The following USP42 variants were observed in gnomAD, a reference collection of about 807,000 sequenced individuals.
USP42 encodes ubiquitin carboxyl-terminal hydrolase 42.
USP42 carries 23 observed loss-of-function variants against 113.0 expected under a neutral mutation model. The observed-to-expected ratio is 0.20, with a 90% CI of 0.15 to 0.29. USP42 has a LOEUF of 0.29. Ranked by LOEUF, USP42 falls within the 10% of genes least tolerant of loss-of-function variation. The probability of loss-of-function intolerance (pLI) is 1.00; values close to 1 mark genes in which losing one functional copy is unlikely to be tolerated. For synonymous variants in USP42, 933 were observed against 699.0 expected, an observed-to-expected ratio of 1.33 and a Z score of -5.28; for missense variants, 2,174 against 1,779.8, an observed-to-expected ratio of 1.22 and a Z score of -3.99.
Position 6,154,472 on chromosome 7 carries a change from C to T in USP42, c.2918C>T (p.Thr973Ile), listed in dbSNP as rs539833267. 12 of 1,557,582 alleles carry T rather than the reference C, an allele frequency of 7.7e-6. No homozygotes were observed. In the East Asian group the frequency reaches 9.6e-5, roughly 13 times the overall value. The part of the protein sequence containing the change: ...GEPARESRSK[T>I]EGHRHRRRRT... ...CCCGCCAGAGAGAGCAGGAGCAAGA[C>T]TGAGGGCCACCGTCACCGGCGGCGC... The change falls in exon 15 of 18, where the codon ACT becomes ATT. Residue 973 changes from threonine (T) to isoleucine (I), a missense_variant. Physicochemically the swap from Thr to Ile is moderately conservative, Grantham distance 89. Transcript: ENST00000306177.
intron 17 of USP42, 120 bp from the exon 18 acceptor site, chr7:6,160,430 CAGAGT>C (rs1242066960): frequency 1.4e-5 from 2 of 146,750 alleles, no homozygotes; most frequent in Non-Finnish European, 1.5e-5. Flanking sequence ...GCAGAGAAGG[CAGAGT>C]GATCTCCTCA....
At chr7:6,133,934 A>G (rs1487461144) in intron 3 of USP42, among the ~76,000 whole-genome samples, 1 of 138,954 alleles carries the variant, frequency 7.2e-6, no homozygotes, top group South Asian at 2.2e-4. Context: ...TCTGTCGCCC[A>G]GGCTGGAGTG....
In USP42 at chr7:6,145,300, C is replaced by A. The variant is rs556116895; in HGVS notation, c.991-216C>A. ...GAGCTGAGATCGTGTCACTGCACTC[C>A]AGCCTGGGTGATAGAGTGGCACGCC... On this transcript the variant is annotated intron_variant, in intron 9 of 17. Coordinates refer to ENST00000306177, the MANE Select transcript of USP42 (RefSeq NM_032172.3). 7.8e-4 allele frequency among the ~76,000 whole-genome samples: 118 copies of A among 150,714 alleles called. 2 individuals are homozygous for A. The South Asian group carries it at 0.022, about 28-fold the overall frequency.
chr7:6,109,713 T>G (rs930815183), intron 1 of USP42, among the ~76,000 whole-genome samples: 3 of 150,298 alleles, frequency 2.0e-5, no homozygotes, highest in African/African-American at 7.3e-5. Flanking sequence ...TTTTTTTTTT[T>G]TTTTTGAGAC....
At chr7:6,116,518 T>C (rs948875251) in intron 3 of USP42, 1 of 277,418 alleles carries the variant, frequency 3.6e-6, no homozygotes, top group Non-Finnish European at 6.9e-6. Context: ...GATTCATGTG[T>C]GTATGTTCTG....
intron 3 of USP42, among the ~76,000 whole-genome samples, chr7:6,134,427 TA>T (rs1270483154): frequency 6.6e-6 from 1 of 152,210 alleles, no homozygotes; most frequent in African/African-American, 2.4e-5. Flanking sequence ...GGGATTTTTG[TA>T]TTTCTTTAAA....
At position 6,161,144 on chromosome 7, in the gene USP42, T is replaced by C. The variant is rs759841484; in HGVS notation, c.*626T>C. ...ATCAATTTCCCAGTTATGATGAGTA[T>C]TTACATTATGAATGTATAACCCAGA... On this transcript the variant is annotated 3_prime_UTR_variant, in exon 18 of 18. Transcript: ENST00000306177. 6.5e-5 allele frequency: 10 copies of C among 152,672 alleles called. No homozygotes were observed. Among genetic ancestry groups the C allele is most frequent in the Non-Finnish European group, 1.2e-4 (8 of 68,042 alleles). 9.5% of individuals were successfully genotyped at this position (152,672 alleles called of 1,614,324 possible).
intron 2 of USP42, among the ~76,000 whole-genome samples, chr7:6,114,676 ATATTTTTTTTTTT>A (rs1779806124): frequency 8.6e-4 from 27 of 31,264 alleles, no homozygotes; most frequent in Admixed American, 1.1e-3. Flanking sequence ...ATATATATAT[ATATTTTTTTTTTT>A]TTTTTTTTTT....
At chr7:6,090,078 T>G in the USP42 span, among the ~76,000 whole-genome samples, 1 of 146,906 alleles carries the variant, frequency 6.8e-6, no homozygotes, top group Middle Eastern at 3.4e-3. Context: ...GGTGGGCAGA[T>G]CACCTGAGAT....
intron 3 of USP42, among the ~76,000 whole-genome samples, chr7:6,119,569 C>A (rs759918912): frequency 6.6e-6 from 1 of 152,212 alleles, no homozygotes; most frequent in African/African-American, 2.4e-5. Context: ...TACAAATAAT[C>A]TTCCTGGTAT....
intron 10 of USP42, among the ~76,000 whole-genome samples, chr7:6,145,883 A>C (rs1488960510): frequency 6.6e-6 from 1 of 152,164 alleles, no homozygotes; most frequent in Non-Finnish European, 1.5e-5. Context: ...CAACCTGGCC[A>C]ACAGGGTGAA....
the USP42 span, among the ~76,000 whole-genome samples, chr7:6,093,918 T>C: frequency 1.3e-5 from 2 of 151,036 alleles, no homozygotes; most frequent in Non-Finnish European, 2.9e-5. Flanking sequence ...TAAGATGGAG[T>C]CTCACTCTGT....
chr7:6,125,567 C>T (rs1780493624), intron 3 of USP42, among the ~76,000 whole-genome samples: 1 of 152,146 alleles, frequency 6.6e-6, no homozygotes, highest in South Asian at 2.1e-4. Flanking sequence ...TTTCCTTTCC[C>T]ATCTTTGTGC....
chr7:6,100,793 A>C (rs764693461), upstream of USP42, among the ~76,000 whole-genome samples: 1 of 147,914 alleles, frequency 6.8e-6, no homozygotes, highest in African/African-American at 2.6e-5. Flanking sequence ...CAGCCTCCTG[A>C]GTAGCTGGGA....
At chr7:6,155,321 C>A in intron 15 of USP42, 126 bp downstream of exon 15, 1 of 1,388,536 alleles carries the variant, frequency 7.2e-7, no homozygotes, top group Non-Finnish European at 9.3e-7. Flanking sequence ...TGATTTGTGT[C>A]TTTCATTTCT....
At chr7:6,097,799 C>T in the USP42 span, among the ~76,000 whole-genome samples, 3 of 150,250 alleles carry the variant, frequency 2.0e-5, no homozygotes, top group African/African-American at 7.5e-5. Flanking sequence ...ACCATGTTAG[C>T]AAGGATGGTC....
At chr7:6,133,404 T>C (rs948296089) in intron 3 of USP42, among the ~76,000 whole-genome samples, 2 of 152,260 alleles carry the variant, frequency 1.3e-5, no homozygotes, top group African/African-American at 4.8e-5. Context: ...TCTCTCTCTG[T>C]GTTTTATTAT....
At chr7:6,101,234 G>C (rs117396651), upstream of USP42, among the ~76,000 whole-genome samples, 2,027 of 151,104 alleles carry the variant, frequency 0.013, 43 homozygotes, top group Middle Eastern at 0.061. Flanking sequence ...GGAAGCATCC[G>C]CCAGTAAGGA....
At chr7:6,085,818 T>C in the USP42 span, among the ~76,000 whole-genome samples, 90,888 of 149,782 alleles carry the variant, frequency 0.61, 28,534 homozygotes, top group Middle Eastern at 0.7. Flanking sequence ...TCTCACCATG[T>C]TGGCCAGGCT....
Sources: gnomAD v4.1 joint callset for allele counts (sites outside exome capture counted in the v4.1 genomes callset) on GRCh38, gnomAD v4.1.1 for gene constraint, MANE v1.5 for transcripts, NCBI Gene and HGNC (gene_info 2026-07-23, HGNC 2026-07-21) for gene names.